DNAAF9: variants seen among roughly 807,000 people sequenced by gnomAD.
DNAAF9 encodes shulin.
DNAAF9 carries 90 observed loss-of-function variants against 167.0 expected under a neutral mutation model. The ratio of observed to expected loss-of-function variants is 0.54; its 90% CI spans 0.45 to 0.64. The LOEUF is 0.64. Ranked by LOEUF, DNAAF9 falls within the 30% of genes least tolerant of loss-of-function variation. DNAAF9 has a pLI of 0.00. For synonymous variants in DNAAF9, 491 were observed against 508.8 expected, an observed-to-expected ratio of 0.96 and a Z score of 0.47; for missense variants, 1,315 against 1,442.2, an observed-to-expected ratio of 0.91 and a Z score of 1.43.
chr20:3,326,116 T>A (rs1158916307), intron 13 of DNAAF9, 81 bp downstream of exon 13: 5 of 1,049,934 alleles, frequency 4.8e-6, no homozygotes, highest in Middle Eastern at 4.3e-4. Context: ...TACTACAAGA[T>A]GTCCAAAGAA....
At chr20:3,321,774 C>T (rs551853858) in intron 16 of DNAAF9, among the ~76,000 whole-genome samples, 2 of 152,070 alleles carry the variant, frequency 1.3e-5, no homozygotes, top group Admixed American at 6.6e-5. Context: ...GGTCTCACTA[C>T]GCTGTCAAGA....
chr20:3,360,929 G>C (rs2083353391), intron 6 of DNAAF9, among the ~76,000 whole-genome samples: 1 of 152,136 alleles, frequency 6.6e-6, no homozygotes, highest in Non-Finnish European at 1.5e-5. Context: ...GAGTAACCCT[G>C]GTGACTATTC....
Position 3,359,409 on chromosome 20 carries a change from C to T in DNAAF9, c.690+107G>A, listed in dbSNP as rs534254419. ...GGAAGAAACTGCTCTATTTTTTGAC[C>T]GAAGCAAACTAAAATATCCTTTGCA... On this transcript the variant is annotated intron_variant, in intron 7 of 36. Transcript: ENST00000252032. The T allele has an allele frequency of 2.7e-5, 21 of 778,500 alleles. 1 individual carries two copies. Among genetic ancestry groups the T allele is most frequent in the South Asian group, 1.5e-4 (9 of 58,628 alleles). The allele number at this position is 778,500 out of a possible 1,614,324, so 48.2% of individuals were successfully genotyped here. A position where few individuals can be genotyped will look rare whatever the true frequency, so the allele number is the denominator to read the frequency against.
chr20:3,347,093 TAA>T (rs2070206926), intron 8 of DNAAF9, among the ~76,000 whole-genome samples: 1 of 150,690 alleles, frequency 6.6e-6, no homozygotes, highest in African/African-American at 2.4e-5. Flanking sequence ...AAATCAGTAA[TAA>T]AGAGAAAATC....
At chr20:3,372,293 G>A (rs192794842) in intron 6 of DNAAF9, among the ~76,000 whole-genome samples, 83 of 152,360 alleles carry the variant, frequency 5.4e-4, no homozygotes, top group Non-Finnish European at 1.1e-3. Flanking sequence ...GCACTGGGAA[G>A]GGCAGGGGAA....
At chr20:3,349,661 T>C (rs6037565) in intron 7 of DNAAF9, among the ~76,000 whole-genome samples, 38,072 of 151,990 alleles carry the variant, frequency 0.25, 5,374 homozygotes, top group African/African-American at 0.37. Flanking sequence ...CCATTCCCCA[T>C]CCCAGCTGCT....
chr20:3,331,704 C>T (rs1433847788), intron 11 of DNAAF9, among the ~76,000 whole-genome samples: 4 of 152,188 alleles, frequency 2.6e-5, no homozygotes, highest in African/African-American at 9.7e-5. Context: ...GACAGAGTCT[C>T]ACTCTGTTGC....
At chr20:3,323,417 G>A (rs2123054550) in intron 14 of DNAAF9, among the ~76,000 whole-genome samples, 1 of 151,496 alleles carries the variant, frequency 6.6e-6, no homozygotes, top group Admixed American at 6.6e-5. Context: ...CAATAGCTGG[G>A]ACTACAGGTG....
intron 6 of DNAAF9, among the ~76,000 whole-genome samples, chr20:3,362,505 C>A (rs1456793590): frequency 2.0e-5 from 3 of 151,072 alleles, no homozygotes; most frequent in Non-Finnish European, 4.4e-5. Context: ...TTTTACAAAT[C>A]AATTCTGTTT....
intron 21 of DNAAF9, among the ~76,000 whole-genome samples, chr20:3,299,033 C>T (rs2069135786): frequency 1.3e-5 from 2 of 151,570 alleles, no homozygotes; most frequent in Non-Finnish European, 2.9e-5. Flanking sequence ...TTCAGCCTCC[C>T]GAGTAGCTGG....
At chr20:3,265,470 G>A (rs1032198786) in intron 30 of DNAAF9, among the ~76,000 whole-genome samples, 4 of 150,578 alleles carry the variant, frequency 2.7e-5, no homozygotes, top group African/African-American at 9.8e-5. Context: ...AGGAGGCCGA[G>A]GCAGGAGAAT....
At chr20:3,336,196 T>C (rs1428162377) in intron 10 of DNAAF9, among the ~76,000 whole-genome samples, 1 of 151,928 alleles carries the variant, frequency 6.6e-6, no homozygotes, top group Non-Finnish European at 1.5e-5. Flanking sequence ...TATTTTGGGG[T>C]TTAATCCTGT....
At chr20:3,389,980 G>C (rs368495662) in intron 1 of DNAAF9, among the ~76,000 whole-genome samples, 1 of 150,292 alleles carries the variant, frequency 6.7e-6, no homozygotes, top group Non-Finnish European at 1.5e-5. Flanking sequence ...AGGCTGCAGT[G>C]AGCCAAGATC....
At chr20:3,284,376 T>C (rs1419640487) in intron 27 of DNAAF9, among the ~76,000 whole-genome samples, 1 of 151,932 alleles carries the variant, frequency 6.6e-6, no homozygotes, top group African/African-American at 2.4e-5. Flanking sequence ...GAGACAGGGT[T>C]TCCTCATGTT....
rs374883256 is a variant in DNAAF9, at chr20:3,381,404, C to T, written c.258G>A (p.Thr86=). 36 of 1,610,980 alleles carry T rather than the reference C, an allele frequency of 2.2e-5. No homozygotes were observed. The highest frequency in any genetic ancestry group is 4.5e-5 in the East Asian group (2 of 44,870). ...YNQNTSDFEK[T]GFSEEVLDDV... ...CATCTAGTACTTCTTCAGAAAATCC[C>T]GTTTTCTCAAAATCACTGGTATTCT... is the stretch of plus-strand genomic sequence containing the variant. The change falls in exon 3 of 37, where the codon ACG becomes ACA. Residue 86 remains threonine (T), a synonymous_variant. Coordinates refer to ENST00000252032, the MANE Select transcript of DNAAF9 (RefSeq NM_001009984.3).
intron 36 of DNAAF9, among the ~76,000 whole-genome samples, chr20:3,252,980 G>A (rs969367665): frequency 2.6e-5 from 4 of 152,208 alleles, no homozygotes; most frequent in African/African-American, 9.7e-5. Flanking sequence ...CTTGTAAATC[G>A]TGACTCTGAT....
chr20:3,317,912 C>A (rs2069533543), intron 17 of DNAAF9, among the ~76,000 whole-genome samples: 1 of 151,962 alleles, frequency 6.6e-6, no homozygotes, highest in African/African-American at 2.4e-5. Flanking sequence ...GTTGCTTCTT[C>A]TTGACTACTA....
In DNAAF9 at chr20:3,359,217, A is replaced by G. The variant is rs1213797349; in HGVS notation, c.690+299T>C. 5.3e-5 allele frequency among the ~76,000 whole-genome samples: 8 copies of G among 152,300 alleles called. No homozygotes were observed. The South Asian group carries it at 1.0e-3, about 20-fold the overall frequency. On this transcript the variant is annotated intron_variant, in intron 7 of 36. Coordinates refer to ENST00000252032, the MANE Select transcript of DNAAF9 (RefSeq NM_001009984.3). ...AGAAAGCCTTCTGCATTGTTTTTCT[A>G]AAGTCCAGTCCAACAGAAAGAATGC...
chr20:3,360,600 C>A (rs899138990), intron 6 of DNAAF9, among the ~76,000 whole-genome samples: 1 of 152,114 alleles, frequency 6.6e-6, no homozygotes, highest in Non-Finnish European at 1.5e-5. Context: ...GGAGGTCAAG[C>A]CAACCAATTT....
Sources: allele counts gnomAD v4.1 joint callset (sites outside exome capture counted in the v4.1 genomes callset), GRCh38; gene constraint gnomAD v4.1.1; transcripts MANE v1.5; gene names NCBI Gene and HGNC (gene_info 2026-07-23, HGNC 2026-07-21).